Variants in MAP2K4 observed in about 807,000 individuals in gnomAD.
MAP2K4 encodes the protein dual specificity mitogen-activated protein kinase kinase 4.
MAP2K4 carries 4 observed loss-of-function variants against 48.5 expected under a neutral mutation model. The ratio of observed to expected loss-of-function variants is 0.08; its 90% CI spans 0.04 to 0.19. The LOEUF is 0.19. Ranked by LOEUF, MAP2K4 falls within the 10% of genes least tolerant of loss-of-function variation. MAP2K4 has a pLI of 1.00. For synonymous variants in MAP2K4, 166 were observed against 173.1 expected (o/e 0.96, Z 0.32); for missense variants, 258 against 493.3 (o/e 0.52, Z 4.52).
At chr17:12,045,042 A>G (rs1969917286) in intron 1 of MAP2K4, among the ~76,000 whole-genome samples, 1 of 152,230 alleles carries the variant, frequency 6.6e-6, no homozygotes, top group African/African-American at 2.4e-5. Flanking sequence ...TAGCTCCTCA[A>G]TTTGTGTGCT....
chr17:12,097,389 A>G lies in MAP2K4; in HGVS notation c.513+1695A>G, dbSNP rs554205783. Reference sequence around the variant, plus strand: ...CATTTGTTCATTTATTTAATCATTCATGTACCATTTACACACCTAGCCTTG... The same window carrying G: ...CATTTGTTCATTTATTTAATCATTCGTGTACCATTTACACACCTAGCCTTG... On this transcript the variant is annotated intron_variant, in intron 4 of 10. Coordinates refer to ENST00000353533, the MANE Select transcript of MAP2K4 (RefSeq NM_003010.4). Among the ~76,000 whole-genome samples the G allele has an allele frequency of 1.5e-4, 23 of 152,368 alleles. No individual in the cohort carries two copies. In the South Asian group the frequency reaches 4.3e-3, roughly 29 times the overall value.
intron 1 of MAP2K4, among the ~76,000 whole-genome samples, chr17:12,023,685 A>G (rs1429673497): frequency 1.3e-5 from 2 of 152,292 alleles, no homozygotes; most frequent in East Asian, 1.9e-4. Context: ...TTATGGCCCA[A>G]GAGTGGTCCA....
At chr17:12,102,708 T>C (rs959068148) in intron 4 of MAP2K4, among the ~76,000 whole-genome samples, 3 of 152,166 alleles carry the variant, frequency 2.0e-5, no homozygotes, top group South Asian at 2.1e-4. Flanking sequence ...TTCAAAGATA[T>C]AGTTCTATTC....
At chr17:12,107,764 A>G (rs780387246) in intron 4 of MAP2K4, 26 bp from the exon 5 acceptor site, 2 of 1,557,602 alleles carry the variant, frequency 1.3e-6, no homozygotes, top group South Asian at 2.4e-5. Flanking sequence ...GATGTATAAG[A>G]ATAACAGATA....
intron 8 of MAP2K4, 135 bp from the exon 9 acceptor site, chr17:12,129,004 C>T: frequency 1.4e-6 from 1 of 705,446 alleles, no homozygotes; most frequent in South Asian, 1.9e-5. Context: ...GAAGATTCCT[C>T]CCCAAGCTAA....
intron 2 of MAP2K4, among the ~76,000 whole-genome samples, chr17:12,058,878 G>A (rs1010928225): frequency 5.3e-5 from 8 of 152,026 alleles, no homozygotes; most frequent in African/African-American, 1.9e-4. Context: ...TCTATACAAG[G>A]TCCTGCATTC....
At chr17:12,053,230 A>G (rs942823001) in intron 1 of MAP2K4, among the ~76,000 whole-genome samples, 1 of 152,080 alleles carries the variant, frequency 6.6e-6, no homozygotes, top group Non-Finnish European at 1.5e-5. Context: ...TTTTTCTACC[A>G]GCAATATATC....
At chr17:12,039,511 A>G (rs912011526) in intron 1 of MAP2K4, among the ~76,000 whole-genome samples, 6 of 152,222 alleles carry the variant, frequency 3.9e-5, no homozygotes, top group Admixed American at 2.6e-4. Context: ...CCCTCCAGCT[A>G]TCTCTGCTGA....
intron 6 of MAP2K4, among the ~76,000 whole-genome samples, chr17:12,112,685 A>G (rs939338328): frequency 2.0e-5 from 3 of 152,192 alleles, no homozygotes; most frequent in African/African-American, 7.2e-5. Context: ...AGCTATGGAT[A>G]GAGAATTAGT....
chr17:12,056,245 TTC>T (rs1294885455), intron 2 of MAP2K4, among the ~76,000 whole-genome samples: 1 of 152,068 alleles, frequency 6.6e-6, no homozygotes, highest in African/African-American at 2.4e-5. Flanking sequence ...TATCAGATCT[TTC>T]TTTTTTAAAA....
At chr17:12,089,769 G>A (rs1971503293) in intron 3 of MAP2K4, among the ~76,000 whole-genome samples, 1 of 152,188 alleles carries the variant, frequency 6.6e-6, no homozygotes, top group African/African-American at 2.4e-5. Flanking sequence ...AGGACTGATG[G>A]TCATGTCCTT....
chr17:12,049,200 A>T (rs887249897), intron 1 of MAP2K4, among the ~76,000 whole-genome samples: 6 of 152,368 alleles, frequency 3.9e-5, no homozygotes, highest in African/African-American at 1.2e-4. Context: ...AGTAACAATG[A>T]GAGCCAAGGA....
At chr17:12,090,316 C>T (rs1388802585) in intron 3 of MAP2K4, among the ~76,000 whole-genome samples, 1 of 152,016 alleles carries the variant, frequency 6.6e-6, no homozygotes, top group African/African-American at 2.4e-5. Flanking sequence ...CAAGGCAGGC[C>T]CTGGTGCTTT....
chr17:12,115,852 G>A, intron 7 of MAP2K4: 1 of 686,448 alleles, frequency 1.5e-6, no homozygotes, highest in Non-Finnish European at 2.8e-6. Flanking sequence ...ATAAAACCAT[G>A]TACTGCATCG....
chr17:12,070,420 T>G (rs146730354), intron 2 of MAP2K4, among the ~76,000 whole-genome samples: 1 of 152,294 alleles, frequency 6.6e-6, no homozygotes, highest in African/African-American at 2.4e-5. Context: ...TTTCTGCCCC[T>G]AATTCCACTC....
At chr17:12,023,274 C>T (rs571570283) in intron 1 of MAP2K4, among the ~76,000 whole-genome samples, 1 of 152,240 alleles carries the variant, frequency 6.6e-6, no homozygotes, top group Admixed American at 6.5e-5. Flanking sequence ...TAGGATCCTT[C>T]TTTTTGGTTT....
At chr17:12,076,315 G>GTGTGTT (rs1971005116) in intron 2 of MAP2K4, among the ~76,000 whole-genome samples, 1 of 150,166 alleles carries the variant, frequency 6.7e-6, no homozygotes, top group Admixed American at 6.7e-5. Flanking sequence ...GTGTGTGTGT[G>GTGTGTT]TGTGTGTGTG....
In MAP2K4 at chr17:12,081,668, G is replaced by T; in HGVS notation, c.393+138G>T. 1.3e-6 allele frequency: 1 copy of T among 799,068 alleles called. No individual in the cohort carries two copies. 49.5% of individuals were successfully genotyped at this position (799,068 alleles called of 1,614,324 possible). On this transcript the variant is annotated intron_variant, in intron 3 of 10. Transcript: ENST00000353533. This position sits in a 1 kb window ranked among gnomAD's most constrained non-coding sequence, Gnocchi z 4.2. Reference sequence around the variant, plus strand: ...AAAATTGTTTCTCCAACTCCTTTGAGGGTGTTCTGTGTAGAGGTTTCTTAT... The same window carrying T: ...AAAATTGTTTCTCCAACTCCTTTGATGGTGTTCTGTGTAGAGGTTTCTTAT...
intron 9 of MAP2K4, among the ~76,000 whole-genome samples, chr17:12,131,545 C>T (rs778739010): frequency 6.6e-6 from 1 of 151,876 alleles, no homozygotes; most frequent in South Asian, 2.1e-4. Flanking sequence ...GCCCCCGGCC[C>T]GCTCTAGCCA....
Sources: allele counts gnomAD v4.1 joint callset (sites outside exome capture counted in the v4.1 genomes callset), GRCh38; gene constraint gnomAD v4.1.1; non-coding constraint Gnocchi (gnomAD v3.1); transcripts MANE v1.5; gene names NCBI Gene and HGNC (gene_info 2026-07-23, HGNC 2026-07-21).